The following XAGE2 variants were observed in gnomAD, a reference collection of about 807,000 sequenced individuals.
XAGE2 encodes G antigen family D member 3.
A neutral mutation model predicts 9.9 loss-of-function variants in XAGE2; 7 were observed. That is an observed-to-expected ratio of 0.71 (90% CI 0.40 to 1.32). The LOEUF is 1.32. Ranked by LOEUF, XAGE2 falls within the 40% of genes most tolerant of loss-of-function variation. XAGE2 has a pLI of 0.01. For missense variants in XAGE2, 85 were observed against 81.0 expected (o/e 1.05, Z -0.19); for synonymous variants, 31 against 26.8 (o/e 1.16, Z -0.48).
At chrX:52,372,084 C>T (rs951885381) in intron 3 of XAGE2, among the ~76,000 whole-genome samples, 2 of 111,705 alleles carry the variant, frequency 1.8e-5, no homozygotes, top group African/African-American at 6.5e-5. Flanking sequence ...GGTACATTGG[C>T]TCACACCTGT....
intron 4 of XAGE2, among the ~76,000 whole-genome samples, chrX:52,375,316 C>T (rs1244550410): frequency 9.0e-6 from 1 of 111,433 alleles, no homozygotes; most frequent in South Asian, 3.8e-4. Flanking sequence ...GTTCTGACCT[C>T]GGACTGTCTT....
chrX:52,372,709 T>C (rs2146415014), intron 4 of XAGE2, 40 bp downstream of exon 4: 2 of 1,196,198 alleles, frequency 1.7e-6, no homozygotes, highest in East Asian at 6.0e-5. Flanking sequence ...GTGATTTCTA[T>C]TTTTTACAAT....
rs950821576 is a variant in XAGE2, at chrX:52,370,555, C to T, written c.82-12C>T. 3,635 of 1,202,806 alleles carry T rather than the reference C, an allele frequency of 3.0e-3. 69 individuals are homozygous for T. The African/African-American group carries it at 0.056, about 18-fold the overall frequency. On this transcript the variant is annotated splice_polypyrimidine_tract_variant and intron_variant, in intron 2 of 4. Transcript: ENST00000286049. Reference sequence around the variant, plus strand: ...TTTTATCTGCACACATACTGCCTCCCCTTTGTCCCAGGAACCCACTGATGA... The same window carrying T: ...TTTTATCTGCACACATACTGCCTCCTCTTTGTCCCAGGAACCCACTGATGA...
chrX:52,369,525 A>T (rs1921140058), intron 1 of XAGE2, among the ~76,000 whole-genome samples: 1 of 110,739 alleles, frequency 9.0e-6, no homozygotes, highest in South Asian at 3.9e-4. Flanking sequence ...AGGTCTGTAG[A>T]GCTCCGGGTA....
Position 52,369,168 on chromosome X carries a change from A to C in XAGE2, c.-55A>C. On this transcript the variant is annotated 5_prime_UTR_variant, in exon 1 of 5. Coordinates refer to ENST00000286049, the MANE Select transcript of XAGE2 (RefSeq NM_130777.3). ...CGTCTGGACTCTTTCTCTCCTACTG[A>C]GACGCAGCCTATAGGTCCGCAGGCC... The C allele has an allele frequency of 9.1e-6, 1 of 109,688 alleles. No homozygotes were observed. The highest frequency in any genetic ancestry group is 3.9e-4 in the South Asian group (1 of 2,558). 9.0% of individuals were successfully genotyped at this position (109,688 alleles called of 1,213,427 possible).
In XAGE2 at chrX:52,370,627, C is replaced by A; in HGVS notation, c.142C>A (p.Pro48Thr). ...ACCCACTAAAAGTCGGAATCCTACA[C>A]CTGATCAGAAGAGAGAAGATGATCA... Reference protein sequence around the residue: ...KPPTKSRNPTPDQKREDDQGA... With the variant: ...KPPTKSRNPTTDQKREDDQGA... The change falls in exon 3 of 5, where the codon CCT becomes ACT. Residue 48 changes from proline (P) to threonine (T), a missense_variant. Physicochemically the swap from Pro to Thr is conservative, Grantham distance 38 (BLOSUM62 -1). Transcript: ENST00000286049. The A allele has an allele frequency of 8.3e-7, 1 of 1,211,459 alleles. No individual in the cohort carries two copies. The highest frequency in any genetic ancestry group is 1.7e-5 in the African/African-American group (1 of 57,725).
At chrX:52,369,794 G>T (rs954631387) in intron 1 of XAGE2, among the ~76,000 whole-genome samples, 1 of 112,916 alleles carries the variant, frequency 8.9e-6, no homozygotes, top group African/African-American at 3.2e-5. Flanking sequence ...TTTGCCAGGA[G>T]CATTAAGACA....
chrX:52,374,122 ACTAT>A (rs1328332215), intron 4 of XAGE2, among the ~76,000 whole-genome samples: 12 of 112,496 alleles, frequency 1.1e-4, no homozygotes, highest in South Asian at 3.7e-4. Flanking sequence ...CTATGAATAG[ACTAT>A]CTATTTGTTT....
At chrX:52,372,758 C>T (rs1286069519) in intron 4 of XAGE2, 89 bp downstream of exon 4, 1 of 1,090,145 alleles carries the variant, frequency 9.2e-7, no homozygotes, top group Non-Finnish European at 1.3e-6. Flanking sequence ...ATTACTGCCA[C>T]TTTAATAACA....
At chrX:52,373,450 C>T (rs1370187534) in intron 4 of XAGE2, among the ~76,000 whole-genome samples, 11 of 111,598 alleles carry the variant, frequency 9.9e-5, no homozygotes, top group Non-Finnish European at 1.9e-4. Flanking sequence ...AGTCTACTTT[C>T]TGTGGCCAAT....
chrX:52,373,872 G>C (rs1009535731), intron 4 of XAGE2, among the ~76,000 whole-genome samples: 1 of 111,408 alleles, frequency 9.0e-6, no homozygotes, highest in South Asian at 3.8e-4. Context: ...TTCAGGAGCC[G>C]ATTGAACAAG....
At chrX:52,374,770 C>CT (rs1163063746) in intron 4 of XAGE2, among the ~76,000 whole-genome samples, 1 of 110,945 alleles carries the variant, frequency 9.0e-6, no homozygotes, top group African/African-American at 3.3e-5. Context: ...CTTTCCGTTT[C>CT]TTTTTTTTCG....
intron 4 of XAGE2, among the ~76,000 whole-genome samples, chrX:52,373,455 G>A (rs1436653574): frequency 9.0e-6 from 1 of 111,373 alleles, no homozygotes; most frequent in Admixed American, 9.6e-5. Flanking sequence ...ACTTTCTGTG[G>A]CCAATGAAGT....
rs1325874429 is a variant in XAGE2, at chrX:52,370,027, G to A, written c.13G>A (p.Gly5Arg). MSWR[G>R]RSTYRPRPRR... ...TGCAGAGTGAAATATGAGTTGGCGAGGAAGATCAACATATAGGCCTAGGCC... is the reference window on the plus strand; with the variant it reads ...TGCAGAGTGAAATATGAGTTGGCGAAGAAGATCAACATATAGGCCTAGGCC... The change falls in exon 2 of 5, where the codon GGA becomes AGA. Residue 5 changes from glycine (G) to arginine (R), a missense_variant. By Grantham distance (125) the Gly-to-Arg change is moderately radical (BLOSUM62 -2). Coordinates refer to ENST00000286049, the MANE Select transcript of XAGE2 (RefSeq NM_130777.3). 1 of 1,211,133 alleles carries A rather than the reference G, an allele frequency of 8.3e-7. No individual in the cohort carries two copies. The highest frequency in any genetic ancestry group is 1.7e-5 in the African/African-American group (1 of 57,607).
rs1321592838 is a variant in XAGE2, at chrX:52,369,778, G to A, written c.-8-229G>A. The stretch of plus-strand genomic sequence containing the variant: ...AACCAAATCTCATCAGAAATATCCT[G>A]TATCTTTTGCCAGGAGCATTAAGAC... On this transcript the variant is annotated intron_variant, in intron 1 of 4. Coordinates refer to ENST00000286049, the MANE Select transcript of XAGE2 (RefSeq NM_130777.3). Among the ~76,000 whole-genome samples, 3 of 112,752 alleles carry A rather than the reference G, an allele frequency of 2.7e-5. No individual in the cohort carries two copies. The Admixed American group carries it at 2.8e-4, about 11-fold the overall frequency.
At chrX:52,372,800 C>T in intron 4 of XAGE2, 131 bp downstream of exon 4, 1 of 891,585 alleles carries the variant, frequency 1.1e-6, no homozygotes, top group South Asian at 2.4e-5. Context: ...TTGAAAGGTA[C>T]TTCAGATCCC....
intron 4 of XAGE2, among the ~76,000 whole-genome samples, chrX:52,374,800 T>G (rs901106268): frequency 1.3e-4 from 15 of 111,652 alleles, no homozygotes; most frequent in Non-Finnish European, 2.8e-4. Flanking sequence ...GTTCATGATA[T>G]ATACCTCTTT....
intron 3 of XAGE2, 101 bp from the exon 4 acceptor site, chrX:52,372,443 A>G: frequency 9.4e-7 from 1 of 1,068,302 alleles, no homozygotes; most frequent in Non-Finnish European, 1.3e-6. Flanking sequence ...ACACTAGCCT[A>G]CAGGCTTTTA....
At chrX:52,373,551 C>T (rs1380151671) in intron 4 of XAGE2, among the ~76,000 whole-genome samples, 3 of 111,474 alleles carry the variant, frequency 2.7e-5, no homozygotes, top group African/African-American at 9.8e-5. Flanking sequence ...TGTCAGTCTT[C>T]ATGAGCTACT....
Sources: gnomAD v4.1 joint callset for allele counts (sites outside exome capture counted in the v4.1 genomes callset) on GRCh38, gnomAD v4.1.1 for gene constraint, MANE v1.5 for transcripts, NCBI Gene and HGNC (gene_info 2026-07-23, HGNC 2026-07-21) for gene names.